The following SACS variants were observed in gnomAD, a reference collection of about 807,000 sequenced individuals.
SACS encodes the protein sacsin.
SACS carries 197 observed loss-of-function variants against 348.0 expected under a neutral mutation model. The observed-to-expected ratio is 0.57, with a 90% CI of 0.50 to 0.64. The LOEUF is 0.64. SACS is among the 30% of genes least tolerant of loss of function. The probability of loss-of-function intolerance (pLI) is 0.00; values close to 1 mark genes in which losing one functional copy is unlikely to be tolerated. For missense variants in SACS, 4,999 were observed against 5,360.8 expected (o/e 0.93, Z 2.11); for synonymous variants, 1,985 against 1,910.6 (o/e 1.04, Z -1.02).
Position 23,354,703 on chromosome 13 carries a change from T to A in SACS, c.1909A>T (p.Lys637Ter). The A allele has an allele frequency of 6.2e-7, 1 of 1,613,964 alleles. No individual in the cohort carries two copies. The highest frequency in any genetic ancestry group is 1.1e-5 in the South Asian group (1 of 91,074). ...TPAWVRQVLR[K>*]CAHLGCAEEK... Reference sequence around the variant, plus strand: ...TCAGCACAGCCCAGGTGTGCACACTTCCGCAGCACCTGCCGCACCCACGCG... The same window carrying A: ...TCAGCACAGCCCAGGTGTGCACACTACCGCAGCACCTGCCGCACCCACGCG... Residue 637 changes from lysine to a stop codon, truncating the protein, a stop_gained, in exon 8 of 10, where the codon AAG becomes TAG. Transcript: ENST00000382292. LOFTEE classifies it high-confidence loss of function.
intron 2 of SACS, among the ~76,000 whole-genome samples, chr13:23,389,169 T>A (rs1872427763): frequency 6.6e-6 from 1 of 151,176 alleles, no homozygotes; most frequent in Non-Finnish European, 1.5e-5. Flanking sequence ...TATATGTGTG[T>A]GTATATATAT....
intron 2 of SACS, among the ~76,000 whole-genome samples, chr13:23,403,001 C>A (rs1177522851): frequency 6.6e-6 from 1 of 151,902 alleles, no homozygotes; most frequent in Non-Finnish European, 1.5e-5. Context: ...ATGATGAAAC[C>A]CTGTCTCTAC....
chr13:23,344,274 G>C (rs940330031), intron 9 of SACS, among the ~76,000 whole-genome samples: 2 of 152,124 alleles, frequency 1.3e-5, no homozygotes, highest in African/African-American at 4.8e-5. Context: ...GCCACGACAT[G>C]CATTCCATAG....
chr13:23,381,992 A>T (rs1231071397), intron 2 of SACS, among the ~76,000 whole-genome samples: 1 of 152,244 alleles, frequency 6.6e-6, no homozygotes, highest in East Asian at 1.9e-4. Context: ...TATTATTAAA[A>T]GAGGAGCATG....
At chr13:23,404,259 T>C (rs995788902) in intron 2 of SACS, among the ~76,000 whole-genome samples, 2 of 152,178 alleles carry the variant, frequency 1.3e-5, no homozygotes, top group African/African-American at 2.4e-5. Context: ...GATGCAAGGC[T>C]GGTTCAACAT....
rs761255337 is a variant in SACS at position 23,358,473 on chromosome 13, G to T, written c.466C>A (p.Leu156Ile). The T allele has an allele frequency of 1.2e-6, 2 of 1,614,160 alleles. No homozygotes were observed. The highest frequency in any genetic ancestry group is 3.3e-5 in the Admixed American group (2 of 60,032). The change falls in exon 7 of 10, where the codon CTC becomes ATC. Residue 156 changes from leucine (L) to isoleucine (I), a missense_variant. Physicochemically the swap from Leu to Ile is conservative, Grantham distance 5. This residue lies in a region of SACS where 3,156 missense variants were observed against 3,380.1 expected (regional missense o/e 0.93). Coordinates refer to ENST00000382292, the MANE Select transcript of SACS (RefSeq NM_014363.6). ...KDMAPYQGPALYVYNNAVFTP... is the reference protein window; with the variant it reads ...KDMAPYQGPAIYVYNNAVFTP... ...AAAACCGCGTTGTTGTACACATAGA[G>T]AGCTGGCCCTAGGTGTGAAAATGCG...
chr13:23,378,887 G>A (rs1186411110), intron 2 of SACS, among the ~76,000 whole-genome samples: 5 of 152,136 alleles, frequency 3.3e-5, no homozygotes, highest in African/African-American at 1.2e-4. Flanking sequence ...ATATAAACTT[G>A]TGAAACACTC....
At chr13:23,358,720 T>C (rs1427755329) in intron 6 of SACS, among the ~76,000 whole-genome samples, 1 of 151,974 alleles carries the variant, frequency 6.6e-6, no homozygotes, top group East Asian at 1.9e-4. Context: ...AAAGGAAAAA[T>C]TAAAGGTTAC....
At chr13:23,400,284 T>C (rs1274784881) in intron 2 of SACS, among the ~76,000 whole-genome samples, 1 of 152,204 alleles carries the variant, frequency 6.6e-6, no homozygotes, top group African/African-American at 2.4e-5. Context: ...AGTCACAATA[T>C]ATAGGGTCAA....
rs1873472491 is a variant in SACS, at chr13:23,411,314, T to C, written c.-75A>G. 1 of 1,388,592 alleles carries C rather than the reference T, an allele frequency of 7.2e-7. No individual in the cohort carries two copies. The highest frequency in any genetic ancestry group is 1.4e-5 in the African/African-American group (1 of 70,830). The allele number at this position is 1,388,592 out of a possible 1,614,324, so 86.0% of individuals were successfully genotyped here. The stretch of plus-strand genomic sequence containing the variant: ...CTTTCTTCTGTTTAAGTCTTCCCTC[T>C]GTGCTTCCTTTAAATGTGTACTCCA... On this transcript the variant is annotated 5_prime_UTR_variant, in exon 2 of 10. Coordinates refer to ENST00000382292, the MANE Select transcript of SACS (RefSeq NM_014363.6).
intron 6 of SACS, among the ~76,000 whole-genome samples, chr13:23,361,781 AAAG>A (rs1870748496): frequency 6.6e-6 from 1 of 150,824 alleles, no homozygotes; most frequent in African/African-American, 2.5e-5. Context: ...CCGTTTCGAA[AAAG>A]AAGGAAAAAA....
intron 9 of SACS, 187 bp downstream of exon 9, chr13:23,353,598 G>A (rs1230122298): frequency 1.1e-5 from 6 of 558,174 alleles, no homozygotes; most frequent in South Asian, 2.6e-5. Flanking sequence ...TATCACCTCT[G>A]GATTCTTTTA....
intron 1 of SACS, among the ~76,000 whole-genome samples, chr13:23,413,852 A>G (rs1194503817): frequency 6.6e-6 from 1 of 152,208 alleles, no homozygotes; most frequent in Non-Finnish European, 1.5e-5. Context: ...TTTAGGATTT[A>G]AGAACTAAAA....
intron 1 of SACS, among the ~76,000 whole-genome samples, chr13:23,417,277 C>G (rs1029821630): frequency 1.3e-5 from 2 of 152,168 alleles, no homozygotes; most frequent in Non-Finnish European, 2.9e-5. Flanking sequence ...TCAAATTGAT[C>G]TTGTAATTCA....
intron 2 of SACS, among the ~76,000 whole-genome samples, chr13:23,391,617 G>T (rs569699976): frequency 5.3e-5 from 8 of 152,280 alleles, no homozygotes; most frequent in Admixed American, 4.6e-4. Context: ...AGTCCCTCGG[G>T]TCTAGAGGGT....
Position 23,340,312 on chromosome 13 carries a change from A to G in SACS, c.3564T>C (p.Asp1188=), listed in dbSNP as rs1428104969. Residue 1188 remains aspartate, a synonymous_variant, in exon 10 of 10, where the codon GAT becomes GAC. Coordinates refer to ENST00000382292, the MANE Select transcript of SACS (RefSeq NM_014363.6). ...AGCCAATGAGAATTGCATGGCCTACATCACACATATCTGGTGGTGCACAGA... is the reference window on the plus strand; with the variant it reads ...AGCCAATGAGAATTGCATGGCCTACGTCACACATATCTGGTGGTGCACAGA... ...CNLCAPPDMC[D]VGHAILIGSS... is the part of the protein sequence containing the mutation. 3 of 1,614,048 alleles carry G rather than the reference A, an allele frequency of 1.9e-6. No individual in the cohort carries two copies. In the East Asian group the frequency reaches 6.7e-5, roughly 36 times the overall value.
In SACS at chr13:23,341,443, A is replaced by G; in HGVS notation, c.2433T>C (p.Gly811=). The change falls in exon 10 of 10, where the codon GGT becomes GGC. Residue 811 remains glycine (G), a synonymous_variant. Coordinates refer to ENST00000382292, the MANE Select transcript of SACS (RefSeq NM_014363.6). ...PLIPRTILEE[G]QTCVELIRLR... is the part of the protein sequence containing the mutation. ...GTCTAATGAGTTCCACACATGTCTGACCTTCCTCTAGTATAGTTCTGGGGA... is the reference window on the plus strand; with the variant it reads ...GTCTAATGAGTTCCACACATGTCTGGCCTTCCTCTAGTATAGTTCTGGGGA... The G allele has an allele frequency of 6.2e-7, 1 of 1,614,064 alleles. No individual in the cohort carries two copies. Among genetic ancestry groups the G allele is most frequent in the South Asian group, 1.1e-5 (1 of 91,082 alleles).
At chr13:23,400,523 C>T (rs1872922283) in intron 2 of SACS, among the ~76,000 whole-genome samples, 1 of 152,146 alleles carries the variant, frequency 6.6e-6, no homozygotes, top group Admixed American at 6.5e-5. Context: ...TGGGTTCATG[C>T]CATTCTCCTG....
intron 9 of SACS, among the ~76,000 whole-genome samples, chr13:23,353,106 A>G (rs1326506): frequency 0.62 from 94,026 of 152,016 alleles, 29,974 homozygotes; most frequent in South Asian, 0.71. Flanking sequence ...ATGCTTGCAG[A>G]AGTTGAAAGG....
Sources: gnomAD v4.1 joint callset for allele counts (sites outside exome capture counted in the v4.1 genomes callset) on GRCh38, gnomAD v4.1.1 for gene constraint, gnomAD v4.1.1 regional missense constraint, MANE v1.5 for transcripts, NCBI Gene and HGNC (gene_info 2026-07-23, HGNC 2026-07-21) for gene names.